MROH1: variants seen among roughly 807,000 people sequenced by gnomAD.
MROH1 encodes maestro heat-like repeat-containing protein family member 1.
A neutral mutation model predicts 116.5 loss-of-function variants in MROH1; 117 were observed. The observed-to-expected ratio is 1.00, with a 90% CI of 0.86 to 1.17. The LOEUF is 1.17. Among genes scored for constraint, MROH1 ranks in the 50% most tolerant of loss-of-function variants. The probability of loss-of-function intolerance (pLI) is 0.00; values close to 1 mark genes in which losing one functional copy is unlikely to be tolerated. For missense variants in MROH1, 1,873 were observed against 1,338.5 expected (o/e 1.40, Z -6.23); for synonymous variants, 921 against 583.9 (o/e 1.58, Z -8.32).
chr8:144,194,769 A>G lies in MROH1; in HGVS notation c.948+2368A>G, dbSNP rs557767463. Among the ~76,000 whole-genome samples the G allele has an allele frequency of 5.9e-5, 9 of 152,142 alleles. No individual in the cohort carries two copies. In the East Asian group the frequency reaches 1.6e-3, roughly 26 times the overall value. On this transcript the variant is annotated intron_variant, in intron 10 of 43. Transcript: ENST00000326134. ...CTCTACAGAAAAAATGTAGCTGAGT[A>G]CAGTGGCACAGATCTGTAATCCCAG...
At chr8:144,259,795 TC>T in intron 37 of MROH1, 115 bp from the exon 38 acceptor site, 1 of 699,438 alleles carries the variant, frequency 1.4e-6, no homozygotes, top group South Asian at 1.5e-5. Flanking sequence ...GAGTAGGTGC[TC>T]CACCTCTGTC....
intron 30 of MROH1, 52 bp from the exon 31 acceptor site, chr8:144,247,515 G>C (rs1842104410): frequency 1.3e-6 from 1 of 758,624 alleles, no homozygotes; most frequent in South Asian, 1.4e-5. Flanking sequence ...TCCAGGCTGT[G>C]GGATCGCCAG....
chr8:144,236,896 CTTTTTTTTTTTT>C (rs1164804321), intron 14 of MROH1, among the ~76,000 whole-genome samples: 4 of 69,318 alleles, frequency 5.8e-5, no homozygotes, highest in Non-Finnish European at 8.2e-5. Context: ...TCTCCTATTC[CTTTTTTTTTTTT>C]TTTTTTTTTT....
intron 34 of MROH1, 26 bp from the exon 35 acceptor site, chr8:144,255,478 AGGCAT>A: frequency 1.3e-6 from 1 of 776,002 alleles, no homozygotes; most frequent in South Asian, 1.4e-5. Context: ...GCCTGGAGGG[AGGCAT>A]GGCCCTGTGA....
intron 1 of MROH1, among the ~76,000 whole-genome samples, chr8:144,150,637 A>G (rs1816497174): frequency 2.6e-5 from 4 of 152,190 alleles, no homozygotes; most frequent in Non-Finnish European, 4.4e-5. Context: ...CTACAAATAG[A>G]GGAGCTAGTC....
chr8:144,192,609 T>C (rs1233411686), intron 10 of MROH1: 5 of 697,290 alleles, frequency 7.2e-6, no homozygotes, highest in South Asian at 6.0e-5. Flanking sequence ...GCAGGTGACA[T>C]AGCAGCCCCC....
At position 144,261,111 on chromosome 8, in the gene MROH1, C is replaced by T. The variant is rs1033102048; in HGVS notation, c.4672-3C>T. ...AGGCGGCACTGACCAGGCCTCTCCCCAGATGCACCATTTCCCAGACCTGCT... is the reference window on the plus strand; with the variant it reads ...AGGCGGCACTGACCAGGCCTCTCCCTAGATGCACCATTTCCCAGACCTGCT... On this transcript the variant is annotated splice_polypyrimidine_tract_variant and splice_region_variant and intron_variant, in intron 41 of 43. Transcript: ENST00000326134. The T allele has an allele frequency of 1.3e-6, 1 of 775,218 alleles. No individual in the cohort carries two copies. The highest frequency in any genetic ancestry group is 1.7e-5 in the African/African-American group (1 of 59,066). 48.0% of individuals were successfully genotyped at this position (775,218 alleles called of 1,614,324 possible). A position where few individuals can be genotyped will look rare whatever the true frequency, so the allele number is the denominator to read the frequency against.
At chr8:144,222,297 G>A (rs1312338211) in intron 13 of MROH1, among the ~76,000 whole-genome samples, 2 of 152,140 alleles carry the variant, frequency 1.3e-5, no homozygotes, top group Non-Finnish European at 2.9e-5. Context: ...TTGGGGTGCA[G>A]CTTGATGGAA....
intron 14 of MROH1, among the ~76,000 whole-genome samples, chr8:144,223,856 C>A (rs1211285209): frequency 6.6e-6 from 1 of 152,216 alleles, no homozygotes; most frequent in Non-Finnish European, 1.5e-5. Context: ...AGAACAGACA[C>A]GCCGCCCTCC....
At position 144,191,596 on chromosome 8, in the gene MROH1, G is replaced by A. The variant is rs750715425; in HGVS notation, c.715-119G>A. The A allele has an allele frequency of 3.2e-5, 43 of 1,360,786 alleles. No homozygotes were observed. The Admixed American group carries it at 3.2e-4, about 10-fold the overall frequency. 84.3% of individuals were successfully genotyped at this position (1,360,786 alleles called of 1,614,324 possible). ...GTGCTAGGCTCACGTCCCAGCCCCC[G>A]TAGCACCCACTGGTAGCCCAGTGTT... On this transcript the variant is annotated intron_variant, in intron 8 of 43. Transcript: ENST00000326134.
At chr8:144,155,399 G>A (rs919355478) in intron 1 of MROH1, among the ~76,000 whole-genome samples, 2 of 152,108 alleles carry the variant, frequency 1.3e-5, no homozygotes, top group African/African-American at 4.8e-5. Context: ...TGATAAAATA[G>A]ACTAGTGTCT....
chr8:144,254,717 G>C, intron 33 of MROH1, 96 bp from the exon 34 acceptor site: 1 of 653,486 alleles, frequency 1.5e-6, no homozygotes, highest in Non-Finnish European at 2.8e-6. Context: ...GGCTGTGTCT[G>C]AGCGTCGTGG....
At chr8:144,205,487 A>G (rs536592497) in intron 12 of MROH1, among the ~76,000 whole-genome samples, 62 of 141,270 alleles carry the variant, frequency 4.4e-4, no homozygotes, top group Admixed American at 1.3e-3. Context: ...AAGGATTTTT[A>G]TATATATATA....
intron 9 of MROH1, 37 bp from the exon 10 acceptor site, chr8:144,192,272 G>C (rs1280081172): frequency 6.5e-7 from 1 of 1,533,942 alleles, no homozygotes; most frequent in East Asian, 2.4e-5. Context: ...GGCGGCTGGA[G>C]GTAGGACTGA....
intron 28 of MROH1, 67 bp from the exon 29 acceptor site, chr8:144,245,089 A>T: frequency 1.3e-6 from 1 of 777,272 alleles, no homozygotes; most frequent in Non-Finnish European, 2.4e-6. Flanking sequence ...CTGGCCCACG[A>T]TGCACAAGGC....
intron 21 of MROH1, 97 bp from the exon 22 acceptor site, chr8:144,241,298 G>C (rs1464365665): frequency 7.1e-6 from 5 of 705,514 alleles, no homozygotes; most frequent in Admixed American, 6.0e-5. Flanking sequence ...GCGCATGTGT[G>C]TACATGTGGG....
intron 35 of MROH1, among the ~76,000 whole-genome samples, chr8:144,256,413 T>A (rs1246545322): frequency 7.4e-6 from 1 of 135,156 alleles, no homozygotes; most frequent in Non-Finnish European, 1.7e-5. Context: ...CCTGCCCCCC[T>A]TGGCCAGGAC....
rs1383257605 is a variant in MROH1, at chr8:144,261,272, C to A, written c.4775-12C>A. The A allele has an allele frequency of 5.4e-6, 4 of 747,060 alleles. No individual in the cohort carries two copies. Among genetic ancestry groups the A allele is most frequent in the Non-Finnish European group, 4.9e-6 (2 of 410,220 alleles). 46.3% of individuals were successfully genotyped at this position (747,060 alleles called of 1,614,324 possible). ...CCGCCCGGCAGCCCCGCCTGATGCC[C>A]CCACTTCACAGGGTTCCTGGTGCTG... On this transcript the variant is annotated splice_polypyrimidine_tract_variant and intron_variant, in intron 42 of 43. Coordinates refer to ENST00000326134, the MANE Select transcript of MROH1 (RefSeq NM_032450.3).
intron 14 of MROH1, 96 bp downstream of exon 14, chr8:144,223,326 G>A: frequency 6.8e-7 from 1 of 1,468,280 alleles, no homozygotes; most frequent in African/African-American, 1.4e-5. Flanking sequence ...GCAGAGGGTG[G>A]ATATGTGGGC....
Sources: gnomAD v4.1 joint callset for allele counts (sites outside exome capture counted in the v4.1 genomes callset) on GRCh38, gnomAD v4.1.1 for gene constraint, MANE v1.5 for transcripts, NCBI Gene and HGNC (gene_info 2026-07-23, HGNC 2026-07-21) for gene names.